Variants in MYOF observed in about 807,000 individuals in gnomAD.
MYOF encodes myoferlin.
In MYOF, 244 loss-of-function variants were observed where a neutral mutation model predicts 284.2. The ratio of observed to expected loss-of-function variants is 0.86; its 90% CI spans 0.77 to 0.95. The LOEUF (loss-of-function observed/expected upper bound fraction) is 0.95. Ranked by LOEUF, MYOF falls within the 40% of genes least tolerant of loss-of-function variation. The pLI, the probability that MYOF is intolerant of heterozygous loss-of-function variation, is 0.00. For synonymous variants in MYOF, 904 were observed against 919.7 expected (o/e 0.98, Z 0.31); for missense variants, 2,496 against 2,560.6 (o/e 0.97, Z 0.54).
chr10:93,441,945 T>C (rs1031525736), intron 3 of MYOF, among the ~76,000 whole-genome samples: 4 of 148,242 alleles, frequency 2.7e-5, no homozygotes, highest in Admixed American at 1.4e-4. Context: ...AATTCTATAT[T>C]CCCCCGAACA....
chr10:93,446,511 A>C (rs1466622506), intron 3 of MYOF, among the ~76,000 whole-genome samples: 1 of 151,984 alleles, frequency 6.6e-6, no homozygotes, highest in African/African-American at 2.4e-5. Context: ...CAGAAGATGC[A>C]GGGTGTGGCT....
intron 1 of MYOF, among the ~76,000 whole-genome samples, chr10:93,478,834 A>AGAAAGAAAGAAAG (rs56922921): frequency 1.0e-5 from 1 of 98,054 alleles, no homozygotes. Flanking sequence ...TCAAAAAAAA[A>AGAAAGAAAGAAAG]AAAAAAAAAG....
chr10:93,482,102 C>T lies in MYOF; in HGVS notation c.88+5G>A. Reference sequence around the variant, plus strand: ...CTTCAGAAAAAGAAGAAAACTTTTTCTTACCCTTAAAAATGACAGAAACAA... The same window carrying T: ...CTTCAGAAAAAGAAGAAAACTTTTTTTTACCCTTAAAAATGACAGAAACAA... On this transcript the variant is annotated splice_donor_5th_base_variant and intron_variant, in intron 1 of 53. Coordinates refer to ENST00000359263, the MANE Select transcript of MYOF (RefSeq NM_013451.4). 1 of 1,612,374 alleles carries T rather than the reference C, an allele frequency of 6.2e-7. No homozygotes were observed. The highest frequency in any genetic ancestry group is 1.3e-5 in the African/African-American group (1 of 74,938).
At chr10:93,358,143 A>T (rs1231121195) in intron 29 of MYOF, among the ~76,000 whole-genome samples, 1 of 152,248 alleles carries the variant, frequency 6.6e-6, no homozygotes, top group South Asian at 2.1e-4. Flanking sequence ...GGCAAAGGAC[A>T]TGAACAGATA....
intron 37 of MYOF, among the ~76,000 whole-genome samples, chr10:93,347,133 A>AG (rs2133869817): frequency 6.6e-6 from 1 of 152,358 alleles, no homozygotes; most frequent in Non-Finnish European, 1.5e-5. Flanking sequence ...TACGAATGAT[A>AG]GAACCTTAGG....
At chr10:93,446,206 TCC>T (rs1482514794) in intron 3 of MYOF, among the ~76,000 whole-genome samples, 7,248 of 152,166 alleles carry the variant, frequency 0.048, 565 homozygotes, top group African/African-American at 0.16. Context: ...GGGTCGGCCT[TCC>T]ACTGCAAGAC....
chr10:93,415,900 T>C (rs1048561433), intron 5 of MYOF, among the ~76,000 whole-genome samples: 11 of 152,204 alleles, frequency 7.2e-5, no homozygotes, highest in African/African-American at 2.4e-4. Context: ...CCCCTACAGT[T>C]ACTGCTCCAT....
intron 4 of MYOF, among the ~76,000 whole-genome samples, chr10:93,427,741 T>C (rs890057017): frequency 6.6e-6 from 1 of 152,018 alleles, no homozygotes; most frequent in Non-Finnish European, 1.5e-5. Context: ...AAACATTATG[T>C]AGCTTTCACT....
At chr10:93,396,664 T>C (rs1032067231) in intron 15 of MYOF, among the ~76,000 whole-genome samples, 7 of 152,206 alleles carry the variant, frequency 4.6e-5, no homozygotes, top group South Asian at 2.1e-4. Flanking sequence ...ATTACATAAT[T>C]ATGATTGTGA....
intron 37 of MYOF, among the ~76,000 whole-genome samples, 156 bp from the exon 38 acceptor site, chr10:93,344,088 A>G (rs1844059321): frequency 6.6e-6 from 1 of 152,214 alleles, no homozygotes; most frequent in African/African-American, 2.4e-5. Flanking sequence ...GAATGTAGAA[A>G]ATAAACCAAC....
At chr10:93,463,461 G>A (rs1400211511) in intron 1 of MYOF, among the ~76,000 whole-genome samples, 1 of 140,306 alleles carries the variant, frequency 7.1e-6, no homozygotes, top group East Asian at 2.0e-4. Flanking sequence ...GTGCAGTGGT[G>A]CAATCTTGGC....
chr10:93,414,900 C>T (rs149280988), intron 5 of MYOF, among the ~76,000 whole-genome samples: 7,901 of 152,000 alleles, frequency 0.052, 649 homozygotes, highest in African/African-American at 0.18. Flanking sequence ...CCTGCCACCA[C>T]GCCCTGCTAA....
intron 37 of MYOF, among the ~76,000 whole-genome samples, chr10:93,347,244 A>G (rs1844229330): frequency 6.6e-6 from 1 of 152,206 alleles, no homozygotes; most frequent in Non-Finnish European, 1.5e-5. Flanking sequence ...AGAGTAAATC[A>G]GAGCCATGCA....
chr10:93,328,462 G>C (rs1239898251), intron 45 of MYOF, among the ~76,000 whole-genome samples: 1 of 152,186 alleles, frequency 6.6e-6, no homozygotes, highest in African/African-American at 2.4e-5. Context: ...CTGCACTACT[G>C]TATGGGCATT....
chr10:93,372,387 G>A (rs779953051), intron 24 of MYOF, among the ~76,000 whole-genome samples: 3 of 152,164 alleles, frequency 2.0e-5, no homozygotes, highest in Admixed American at 1.3e-4. Context: ...CATGCAGTGT[G>A]CATTTCCCTG....
chr10:93,365,175 CCT>C (rs1483964763), intron 26 of MYOF, among the ~76,000 whole-genome samples: 1 of 152,164 alleles, frequency 6.6e-6, no homozygotes, highest in Non-Finnish European at 1.5e-5. Context: ...TTTTCTCTTC[CCT>C]CCTCCCTCCC....
intron 2 of MYOF, among the ~76,000 whole-genome samples, 182 bp downstream of exon 2, chr10:93,456,700 G>A (rs1460099600): frequency 2.6e-5 from 4 of 152,182 alleles, no homozygotes; most frequent in East Asian, 1.9e-4. Flanking sequence ...GAAGATGGTC[G>A]CTGGTGAGCT....
intron 1 of MYOF, among the ~76,000 whole-genome samples, chr10:93,471,113 A>G (rs986814540): frequency 6.6e-6 from 1 of 152,192 alleles, no homozygotes; most frequent in Admixed American, 6.5e-5. Context: ...TCGCCCTGCC[A>G]GTCAAATATT....
intron 3 of MYOF, among the ~76,000 whole-genome samples, chr10:93,441,997 A>AACACACAC (rs34488205): frequency 0.036 from 4,764 of 132,978 alleles, 144 homozygotes; most frequent in African/African-American, 0.073. Flanking sequence ...CCTCAACCTG[A>AACACACAC]ACACACACAC....
Sources: allele counts gnomAD v4.1 joint callset (sites outside exome capture counted in the v4.1 genomes callset), GRCh38; gene constraint gnomAD v4.1.1; transcripts MANE v1.5; gene names NCBI Gene and HGNC (gene_info 2026-07-23, HGNC 2026-07-21).